Variants in SHISA9 observed in about 807,000 individuals in gnomAD.
The protein encoded by SHISA9 is shisa family member 9.
SHISA9 carries 13 observed loss-of-function variants against 38.0 expected under a neutral mutation model. The ratio of observed to expected loss-of-function variants is 0.34; its 90% CI spans 0.22 to 0.54. SHISA9 has a LOEUF of 0.54. Among genes scored for constraint, SHISA9 ranks in the 20% least tolerant of loss-of-function variants. The probability of loss-of-function intolerance (pLI) is 0.91; values close to 1 mark genes in which losing one functional copy is unlikely to be tolerated. For missense variants in SHISA9, 538 were observed against 575.8 expected, an observed-to-expected ratio of 0.93 and a Z score of 0.67; for synonymous variants, 275 against 242.0, an observed-to-expected ratio of 1.14 and a Z score of -1.27.
the SHISA9 span, among the ~76,000 whole-genome samples, chr16:13,253,173 CTGTT>C: frequency 1.3e-5 from 2 of 152,102 alleles, no homozygotes; most frequent in Non-Finnish European, 2.9e-5. Flanking sequence ...TGTTACTTGA[CTGTT>C]TTATTATTAG....
chr16:13,014,750 C>T (rs2072721118), intron 2 of SHISA9, among the ~76,000 whole-genome samples: 1 of 152,226 alleles, frequency 6.6e-6, no homozygotes. Context: ...GCTAACCCCT[C>T]CTCTTCCCCC....
At chr16:13,335,877 G>A in the SHISA9 span, among the ~76,000 whole-genome samples, 2 of 152,132 alleles carry the variant, frequency 1.3e-5, no homozygotes, top group Non-Finnish European at 2.9e-5. Context: ...AGAAGAAATG[G>A]AGACATATTA....
chr16:12,971,066 C>T (rs1255095500), intron 2 of SHISA9, among the ~76,000 whole-genome samples: 1 of 152,188 alleles, frequency 6.6e-6, no homozygotes, highest in Non-Finnish European at 1.5e-5. Context: ...CAGGAAATCT[C>T]GAAAGACACC....
intron 2 of SHISA9, among the ~76,000 whole-genome samples, chr16:13,190,703 G>A (rs888021805): frequency 6.6e-6 from 1 of 152,130 alleles, no homozygotes; most frequent in Non-Finnish European, 1.5e-5. Context: ...CAGCACAACC[G>A]GGATTTTGAA....
intron 2 of SHISA9, among the ~76,000 whole-genome samples, chr16:12,956,160 G>A (rs190231991): frequency 6.6e-6 from 1 of 152,296 alleles, no homozygotes; most frequent in African/African-American, 2.4e-5. Flanking sequence ...TTAGAGAAAT[G>A]TGAATTAAAG....
At chr16:12,928,836 T>A (rs2071426840) in intron 2 of SHISA9, among the ~76,000 whole-genome samples, 1 of 152,222 alleles carries the variant, frequency 6.6e-6, no homozygotes, top group Non-Finnish European at 1.5e-5. Flanking sequence ...AGTCAAAGAA[T>A]GTCATCAAAC....
chr16:12,941,683 T>A (rs1233930593), intron 2 of SHISA9, among the ~76,000 whole-genome samples: 1 of 152,106 alleles, frequency 6.6e-6, no homozygotes, highest in Non-Finnish European at 1.5e-5. Flanking sequence ...TGAAACCCCA[T>A]CTCTACTAAA....
intron 1 of SHISA9, among the ~76,000 whole-genome samples, chr16:12,913,549 C>T (rs2071214135): frequency 6.6e-6 from 1 of 152,196 alleles, no homozygotes; most frequent in Non-Finnish European, 1.5e-5. Flanking sequence ...TTGCACTAAT[C>T]TAATACTTAC....
chr16:13,076,022 GA>G (rs1180325980), intron 2 of SHISA9, among the ~76,000 whole-genome samples: 2 of 150,216 alleles, frequency 1.3e-5, no homozygotes, highest in Non-Finnish European at 3.0e-5. Flanking sequence ...CCCCCATTGA[GA>G]AATAGATTTT....
At chr16:13,544,023 G>C in the SHISA9 span, among the ~76,000 whole-genome samples, 4 of 152,108 alleles carry the variant, frequency 2.6e-5, no homozygotes, top group Admixed American at 2.6e-4. Flanking sequence ...TTTACAGGGA[G>C]GAAGTAGCAA....
chr16:13,461,606 CT>C, the SHISA9 span, among the ~76,000 whole-genome samples: 4,374 of 128,522 alleles, frequency 0.034, 205 homozygotes, highest in African/African-American at 0.089. Flanking sequence ...TATAGACTTT[CT>C]TTTTTTTTTT....
At chr16:13,186,122 C>T (rs1048363295) in intron 2 of SHISA9, among the ~76,000 whole-genome samples, 2 of 151,968 alleles carry the variant, frequency 1.3e-5, no homozygotes, top group African/African-American at 4.8e-5. Flanking sequence ...CTCACAGCCT[C>T]CCTTTGCCTC....
At chr16:13,346,082 A>C in the SHISA9 span, among the ~76,000 whole-genome samples, 1 of 152,174 alleles carries the variant, frequency 6.6e-6, no homozygotes, top group Non-Finnish European at 1.5e-5. Context: ...TATTGTACCC[A>C]TTAAGTAATT....
chr16:13,047,393 GC>G (rs892069345), intron 2 of SHISA9, among the ~76,000 whole-genome samples: 9 of 152,004 alleles, frequency 5.9e-5, no homozygotes, highest in African/African-American at 2.2e-4. Flanking sequence ...CTTCAGCTGG[GC>G]TTCTGCTAGA....
the SHISA9 span, among the ~76,000 whole-genome samples, chr16:13,414,122 T>C: frequency 1.3e-5 from 2 of 152,218 alleles, no homozygotes; most frequent in African/African-American, 4.8e-5. Context: ...AAATCACACT[T>C]GGCCAACAAA....
the SHISA9 span, among the ~76,000 whole-genome samples, chr16:13,353,430 G>A: frequency 5.9e-5 from 9 of 152,182 alleles, no homozygotes; most frequent in African/African-American, 2.2e-4. Flanking sequence ...AGAGTTAAGC[G>A]TGGCAGTTTG....
At position 13,146,492 on chromosome 16, in the gene SHISA9, C is replaced by G. The variant is rs181550949; in HGVS notation, c.692-56902C>G. On this transcript the variant is annotated intron_variant, in intron 2 of 4. Coordinates refer to ENST00000558583, the MANE Select transcript of SHISA9 (RefSeq NM_001145204.3). The stretch of plus-strand genomic sequence containing the variant: ...AGGGTAAATGGGGTATCCATCACCT[C>G]AAGCATTCATCCTTTCTTTGTGTTA... Among the ~76,000 whole-genome samples the G allele has an allele frequency of 2.8e-4, 42 of 152,250 alleles. 1 individual carries two copies. Among genetic ancestry groups the G allele is most frequent in the Admixed American group, 7.9e-4 (12 of 15,284 alleles).
intron 4 of SHISA9, among the ~76,000 whole-genome samples, chr16:13,228,654 C>A (rs140444072): frequency 6.6e-6 from 1 of 152,220 alleles, no homozygotes; most frequent in Non-Finnish European, 1.5e-5. Flanking sequence ...GCTTCCACCC[C>A]TATTCTTGCC....
chr16:13,414,438 C>T, the SHISA9 span, among the ~76,000 whole-genome samples: 48 of 152,214 alleles, frequency 3.2e-4, no homozygotes, highest in African/African-American at 1.1e-3. Flanking sequence ...AGTAGGAGTT[C>T]ACAAATGCCC....
Sources: allele counts gnomAD v4.1 joint callset (sites outside exome capture counted in the v4.1 genomes callset), GRCh38; gene constraint gnomAD v4.1.1; transcripts MANE v1.5; gene names NCBI Gene and HGNC (gene_info 2026-07-23, HGNC 2026-07-21).